Variants in SLC24A2 observed in about 807,000 individuals in gnomAD.
The protein encoded by SLC24A2 is solute carrier family 24 member 2.
SLC24A2 carries 36 observed loss-of-function variants against 62.0 expected under a neutral mutation model. That is an observed-to-expected ratio of 0.58 (90% CI 0.44 to 0.77). SLC24A2 has a LOEUF of 0.77. Ranked by LOEUF, SLC24A2 falls within the 30% of genes least tolerant of loss-of-function variation. SLC24A2 has a pLI of 0.00. For synonymous variants in SLC24A2, 358 were observed against 294.0 expected, an observed-to-expected ratio of 1.22 and a Z score of -2.23; for missense variants, 846 against 817.9, an observed-to-expected ratio of 1.03 and a Z score of -0.42.
intron 2 of SLC24A2, among the ~76,000 whole-genome samples, chr9:19,739,634 C>T (rs1821614777): frequency 6.6e-6 from 1 of 151,986 alleles, no homozygotes; most frequent in African/African-American, 2.4e-5. Context: ...AGAATTTCAC[C>T]CCTATCTTAC....
chr9:19,516,431 GA>G lies in SLC24A2; in HGVS notation c.1737-30del, dbSNP rs1481534121. 4 of 1,611,542 alleles carry G rather than the reference GA, an allele frequency of 2.5e-6. No homozygotes were observed. In the African/African-American group the frequency reaches 5.3e-5, roughly 22 times the overall value. On this transcript the variant is annotated intron_variant, in intron 10 of 10. Coordinates refer to ENST00000341998, the MANE Select transcript of SLC24A2 (RefSeq NM_020344.4). ...TGCAGAAGTGAAGCAGGGCAGAGGG[GA>G]GTGGGAAGACAAGGGAGTAGTCAGA... is the stretch of plus-strand genomic sequence containing the variant.
intron 2 of SLC24A2, among the ~76,000 whole-genome samples, chr9:19,696,789 A>G (rs1321030195): frequency 1.3e-5 from 2 of 152,192 alleles, no homozygotes; most frequent in Non-Finnish European, 2.9e-5. Flanking sequence ...CATGTTTTAA[A>G]ATATAAAATT....
chr9:19,664,312 A>T (rs1444555683), intron 2 of SLC24A2, among the ~76,000 whole-genome samples: 1 of 152,194 alleles, frequency 6.6e-6, no homozygotes, highest in Non-Finnish European at 1.5e-5. Flanking sequence ...GTGCATTTAG[A>T]ATAGAAGTTA....
the SLC24A2 span, among the ~76,000 whole-genome samples, chr9:20,280,577 C>T: frequency 1.3e-5 from 2 of 152,180 alleles, no homozygotes; most frequent in African/African-American, 2.4e-5. Flanking sequence ...ACTGGAGCCA[C>T]ATCAGGTTTT....
chr9:20,137,271 C>T, the SLC24A2 span, among the ~76,000 whole-genome samples: 1 of 152,122 alleles, frequency 6.6e-6, no homozygotes, highest in South Asian at 2.1e-4. Flanking sequence ...AGATCACTTG[C>T]ATAGTTGAAT....
chr9:19,534,395 A>T (rs1833857472), intron 8 of SLC24A2, among the ~76,000 whole-genome samples: 1 of 152,118 alleles, frequency 6.6e-6, no homozygotes, highest in Non-Finnish European at 1.5e-5. Flanking sequence ...TCTTGGGTAC[A>T]TGCGCAGAAT....
chr9:20,139,426 G>A, the SLC24A2 span, among the ~76,000 whole-genome samples: 1 of 152,150 alleles, frequency 6.6e-6, no homozygotes, highest in Non-Finnish European at 1.5e-5. Context: ...TTAGAACAAG[G>A]CCTAGCATAG....
chr9:20,113,788 T>C, the SLC24A2 span, among the ~76,000 whole-genome samples: 4 of 152,322 alleles, frequency 2.6e-5, no homozygotes, highest in South Asian at 8.3e-4. Flanking sequence ...TGGTCTTCTA[T>C]ATAAATTTTT....
intron 2 of SLC24A2, among the ~76,000 whole-genome samples, chr9:19,634,025 G>A (rs576944795): frequency 2.0e-5 from 3 of 152,118 alleles, no homozygotes; most frequent in African/African-American, 7.2e-5. Flanking sequence ...CCTGGTGTTG[G>A]GAGCTGAATA....
chr9:19,892,427 T>C, the SLC24A2 span, among the ~76,000 whole-genome samples: 7 of 152,364 alleles, frequency 4.6e-5, no homozygotes, highest in Non-Finnish European at 1.0e-4. Flanking sequence ...TGGTTCTTTG[T>C]CTCTCTTGTT....
At chr9:19,659,032 C>A (rs920655813) in intron 2 of SLC24A2, among the ~76,000 whole-genome samples, 1 of 152,138 alleles carries the variant, frequency 6.6e-6, no homozygotes, top group African/African-American at 2.4e-5. Context: ...TCCTAACCCC[C>A]AGTACTTTAG....
the SLC24A2 span, among the ~76,000 whole-genome samples, chr9:19,920,532 C>A: frequency 6.6e-6 from 1 of 152,240 alleles, no homozygotes; most frequent in Admixed American, 6.5e-5. Context: ...GGGAAGCAAA[C>A]CAGCATTGGG....
the SLC24A2 span, among the ~76,000 whole-genome samples, chr9:19,955,960 G>A: frequency 6.6e-6 from 1 of 152,172 alleles, no homozygotes; most frequent in Non-Finnish European, 1.5e-5. Context: ...ATACAAGAAA[G>A]AATAGGTAAG....
chr9:19,523,348 TA>T (rs1833286848), intron 9 of SLC24A2, among the ~76,000 whole-genome samples: 1 of 152,210 alleles, frequency 6.6e-6, no homozygotes, highest in Non-Finnish European at 1.5e-5. Flanking sequence ...TTCCTATCTG[TA>T]AAATGAGGAT....
At chr9:19,591,948 CAAG>C (rs1836565479) in intron 5 of SLC24A2, among the ~76,000 whole-genome samples, 1 of 152,160 alleles carries the variant, frequency 6.6e-6, no homozygotes, top group African/African-American at 2.4e-5. Context: ...TCACAGATAA[CAAG>C]AAGGACTTAT....
chr9:19,876,048 G>C, the SLC24A2 span, among the ~76,000 whole-genome samples: 2 of 152,136 alleles, frequency 1.3e-5, no homozygotes, highest in Non-Finnish European at 2.9e-5. Flanking sequence ...TATACTTGCA[G>C]CATGTCAAGT....
chr9:19,613,514 C>T lies in SLC24A2; in HGVS notation c.1078+6070G>A, dbSNP rs545519725. ...CTCCTCTTTCCCCAAAAAGGTCAAT[C>T]CTAAACATCTTTATTCCCAGCATTC... On this transcript the variant is annotated intron_variant, in intron 4 of 10. Coordinates refer to ENST00000341998, the MANE Select transcript of SLC24A2 (RefSeq NM_020344.4). 2.0e-5 allele frequency among the ~76,000 whole-genome samples: 3 copies of T among 152,230 alleles called. No homozygotes were observed. The South Asian group carries it at 6.2e-4, about 32-fold the overall frequency.
chr9:19,638,463 A>G (rs1037018442), intron 2 of SLC24A2, among the ~76,000 whole-genome samples: 1 of 152,184 alleles, frequency 6.6e-6, no homozygotes, highest in African/African-American at 2.4e-5. Flanking sequence ...ACAACTAAGC[A>G]TTTAAACAAC....
At chr9:20,230,606 T>G in the SLC24A2 span, among the ~76,000 whole-genome samples, 1 of 152,172 alleles carries the variant, frequency 6.6e-6, no homozygotes, top group Non-Finnish European at 1.5e-5. Context: ...TAAATTTGTT[T>G]GAGTTCATTG....
Sources: gnomAD v4.1 joint callset for allele counts (sites outside exome capture counted in the v4.1 genomes callset) on GRCh38, gnomAD v4.1.1 for gene constraint, MANE v1.5 for transcripts, NCBI Gene and HGNC (gene_info 2026-07-23, HGNC 2026-07-21) for gene names.